Variants in GPC5 observed in about 807,000 individuals in gnomAD.
GPC5 encodes glypican 5, also known as glypican-5.
GPC5 carries 47 observed loss-of-function variants against 53.9 expected under a neutral mutation model. The ratio of observed to expected loss-of-function variants is 0.87; its 90% CI spans 0.69 to 1.11. The LOEUF (loss-of-function observed/expected upper bound fraction) is 1.11, where lower values mean the gene tolerates loss of function less well. Ranked by LOEUF, GPC5 falls within the 50% of genes most tolerant of loss-of-function variation. The pLI, the probability that GPC5 is intolerant of heterozygous loss-of-function variation, is 0.00. For synonymous variants in GPC5, 286 were observed against 263.3 expected (o/e 1.09, Z -0.84); for missense variants, 748 against 713.1 (o/e 1.05, Z -0.56).
chr13:92,270,760 GA>G (rs367897215), intron 7 of GPC5, among the ~76,000 whole-genome samples: 5 of 152,168 alleles, frequency 3.3e-5, no homozygotes, highest in African/African-American at 1.2e-4. Context: ...TGCAGATTCT[GA>G]AATCAGTTCA....
chr13:91,580,689 C>T (rs1005042081), intron 2 of GPC5, among the ~76,000 whole-genome samples: 3 of 152,200 alleles, frequency 2.0e-5, no homozygotes, highest in African/African-American at 7.2e-5. Context: ...CATTGGCACC[C>T]TTTAGGATAA....
At chr13:91,647,084 TGTGTGTGTGTGTGTGTGTG>T (rs2034577626) in intron 2 of GPC5, among the ~76,000 whole-genome samples, 1 of 83,484 alleles carries the variant, frequency 1.2e-5, no homozygotes, top group Non-Finnish European at 2.2e-5. Flanking sequence ...TGTGTGTGTG[TGTGTGTGTGTGTGTGTGTG>T]TGTGTGTGTG....
At chr13:91,438,099 A>G (rs1340891669) in intron 1 of GPC5, among the ~76,000 whole-genome samples, 2 of 151,966 alleles carry the variant, frequency 1.3e-5, no homozygotes, top group East Asian at 3.9e-4. Context: ...CTTCTTTGCC[A>G]TGGGTTCGAA....
intron 2 of GPC5, among the ~76,000 whole-genome samples, chr13:91,555,807 A>T (rs1241487257): frequency 1.3e-5 from 2 of 152,046 alleles, no homozygotes; most frequent in Non-Finnish European, 2.9e-5. Flanking sequence ...GAACCAAATG[A>T]AAGGGGTCTC....
chr13:91,867,713 T>G (rs2039099913), intron 5 of GPC5, among the ~76,000 whole-genome samples: 1 of 152,196 alleles, frequency 6.6e-6, no homozygotes, highest in Non-Finnish European at 1.5e-5. Context: ...TAATGTAAAT[T>G]CACGAGGGAT....
At chr13:92,340,594 T>C (rs903738704) in intron 7 of GPC5, 1 of 152,142 alleles carries the variant, frequency 6.6e-6, no homozygotes. Context: ...TTCAAGTACT[T>C]TAAGAATTTT....
At chr13:92,515,885 C>T (rs1437469722) in intron 7 of GPC5, among the ~76,000 whole-genome samples, 2 of 152,092 alleles carry the variant, frequency 1.3e-5, no homozygotes, top group Non-Finnish European at 2.9e-5. Context: ...AATAATTTAA[C>T]TTGAAATATT....
At chr13:92,725,719 G>A (rs1888627946) in intron 7 of GPC5, among the ~76,000 whole-genome samples, 1 of 151,484 alleles carries the variant, frequency 6.6e-6, no homozygotes, top group Non-Finnish European at 1.5e-5. Flanking sequence ...GCATTACTTT[G>A]AACTAGTTGG....
At position 92,867,018 on chromosome 13, in the gene GPC5, C is replaced by T. The variant is rs977048410; in HGVS notation, c.*579C>T. On this transcript the variant is annotated 3_prime_UTR_variant, in exon 8 of 8. Coordinates refer to ENST00000377067, the MANE Select transcript of GPC5 (RefSeq NM_004466.6). ...CATTTCATATAATTTCACTGAAGAA[C>T]CTTGATAATTTTGACCCACTGTAAC... 3 of 152,046 alleles carry T rather than the reference C, an allele frequency of 2.0e-5. No homozygotes were observed. Among genetic ancestry groups the T allele is most frequent in the African/African-American group, 7.2e-5 (3 of 41,426 alleles). 9.4% of individuals were successfully genotyped at this position (152,046 alleles called of 1,614,324 possible). A position where few individuals can be genotyped will look rare whatever the true frequency, so the allele number is the denominator to read the frequency against.
intron 1 of GPC5, among the ~76,000 whole-genome samples, chr13:91,410,641 C>T (rs77834925): frequency 5.3e-5 from 8 of 151,994 alleles, no homozygotes; most frequent in Non-Finnish European, 1.0e-4. Context: ...CCACTACGCC[C>T]GGCCTTCCTT....
At chr13:92,432,219 TG>T (rs1877119673) in intron 7 of GPC5, among the ~76,000 whole-genome samples, 1 of 152,220 alleles carries the variant, frequency 6.6e-6, no homozygotes, top group Non-Finnish European at 1.5e-5. Context: ...CTGACCATTC[TG>T]GCTCCCTGAT....
intron 6 of GPC5, among the ~76,000 whole-genome samples, chr13:92,089,587 A>G (rs2041363207): frequency 6.6e-6 from 1 of 152,190 alleles, no homozygotes; most frequent in African/African-American, 2.4e-5. Context: ...AAATCATAAG[A>G]TGTATTTGTT....
chr13:92,096,568 A>C (rs977407922), intron 6 of GPC5, among the ~76,000 whole-genome samples: 2 of 152,284 alleles, frequency 1.3e-5, no homozygotes, highest in Middle Eastern at 3.4e-3. Context: ...CATTTTGGGA[A>C]GTGATTAAGG....
intron 7 of GPC5, chr13:92,721,549 TCAGA>T (rs906198595): frequency 7.2e-5 from 11 of 152,056 alleles, no homozygotes; most frequent in East Asian, 1.9e-4. Flanking sequence ...TCCCTTGCTG[TCAGA>T]CAGTCACTGT....
intron 7 of GPC5, among the ~76,000 whole-genome samples, chr13:92,154,262 A>C (rs2041927568): frequency 6.6e-6 from 1 of 152,064 alleles, no homozygotes; most frequent in Non-Finnish European, 1.5e-5. Context: ...CTTCCCCATG[A>C]CCCAAACACC....
chr13:91,806,021 A>ATTTTTTTT lies in GPC5; in HGVS notation c.1280+49624_1280+49631dup, dbSNP rs71113764. ...ATGTGAACCTTCAACAAATACAATAATTTTTTTTTTTTTTTTTTTTTTTTT... is the reference window on the plus strand; with the variant it reads ...ATGTGAACCTTCAACAAATACAATAATTTTTTTTTTTTTTTTTTTTTTTTTTTTTTTTT... On this transcript the variant is annotated intron_variant, in intron 5 of 7. Transcript: ENST00000377067. Among the ~76,000 whole-genome samples the ATTTTTTTT allele has an allele frequency of 3.5e-4, 17 of 48,612 alleles. 1 individual carries two copies. The highest frequency in any genetic ancestry group is 9.6e-4 in the African/African-American group (11 of 11,462). 31.9% of individuals were successfully genotyped at this position (48,612 alleles called of 152,430 possible).
At chr13:92,640,764 C>G (rs1885568948) in intron 7 of GPC5, among the ~76,000 whole-genome samples, 1 of 152,100 alleles carries the variant, frequency 6.6e-6, no homozygotes, top group African/African-American at 2.4e-5. Flanking sequence ...CTGACCAAAT[C>G]TAGGGACAAT....
chr13:92,131,744 A>AT (rs887246375), intron 6 of GPC5, among the ~76,000 whole-genome samples: 36 of 151,724 alleles, frequency 2.4e-4, no homozygotes, highest in Admixed American at 2.2e-3. Context: ...TTCTAAGATG[A>AT]TTTTTTTTAT....
intron 7 of GPC5, among the ~76,000 whole-genome samples, chr13:92,539,908 C>A (rs1330359108): frequency 6.6e-6 from 1 of 151,824 alleles, no homozygotes; most frequent in Admixed American, 6.6e-5. Flanking sequence ...AATCAAAGAA[C>A]CAAAAATTTA....
Sources: gnomAD v4.1 joint callset for allele counts (sites outside exome capture counted in the v4.1 genomes callset) on GRCh38, gnomAD v4.1.1 for gene constraint, MANE v1.5 for transcripts, NCBI Gene and HGNC (gene_info 2026-07-23, HGNC 2026-07-21) for gene names.